The following TNS3 variants were observed in gnomAD, a reference collection of about 807,000 sequenced individuals.
TNS3 encodes tensin-3.
TNS3 carries 45 observed loss-of-function variants against 140.9 expected under a neutral mutation model. The observed-to-expected ratio is 0.32, with a 90% CI of 0.25 to 0.41. The LOEUF is 0.41. Among genes scored for constraint, TNS3 ranks in the 10% least tolerant of loss-of-function variants. The pLI, the probability that TNS3 is intolerant of heterozygous loss-of-function variation, is 1.00. For missense variants in TNS3, 1,716 were observed against 1,906.7 expected (o/e 0.90, Z 1.86); for synonymous variants, 815 against 788.4 (o/e 1.03, Z -0.56).
chr7:47,530,823 CAAAA>C (rs781707373), intron 1 of TNS3, among the ~76,000 whole-genome samples: 3 of 45,008 alleles, frequency 6.7e-5, no homozygotes, highest in Non-Finnish European at 1.2e-4. Flanking sequence ...AACTCCATCT[CAAAA>C]AAAAAAAAAA....
chr7:47,497,631 G>C (rs1418612637), intron 3 of TNS3, among the ~76,000 whole-genome samples: 1 of 148,258 alleles, frequency 6.7e-6, no homozygotes, highest in East Asian at 2.1e-4. Context: ...GAGAAAATAA[G>C]TATTCGCCTA....
chr7:47,438,303 A>T (rs1795291252), intron 6 of TNS3, among the ~76,000 whole-genome samples: 1 of 152,122 alleles, frequency 6.6e-6, no homozygotes. Flanking sequence ...AAGGCCCCAC[A>T]GACAGGTGCT....
chr7:47,487,655 C>A (rs1404260617), intron 3 of TNS3, among the ~76,000 whole-genome samples: 1 of 152,180 alleles, frequency 6.6e-6, no homozygotes, highest in Non-Finnish European at 1.5e-5. Context: ...GGGCCAGCCA[C>A]TGACCTTGCC....
chr7:47,581,691 G>C (rs1035777686), intron 1 of TNS3: 13 of 152,022 alleles, frequency 8.6e-5, no homozygotes, highest in African/African-American at 2.9e-4. Context: ...CCGGACTCCG[G>C]CGAAGCTGGC....
rs936586662 is a variant in TNS3 at position 47,371,908 on chromosome 7, A to G, written c.1025-2287T>C. On this transcript the variant is annotated intron_variant, in intron 16 of 30. Coordinates refer to ENST00000311160, the MANE Select transcript of TNS3 (RefSeq NM_022748.12). ...CACCTTGACCTTCAGCTTCCCCGCT[A>G]TAAAATGAGGGTGTGGGTAGATGGT... Among the ~76,000 whole-genome samples the G allele has an allele frequency of 2.0e-5, 3 of 152,206 alleles. No homozygotes were observed. In the East Asian group the frequency reaches 5.8e-4, roughly 29 times the overall value.
chr7:47,534,141 G>A (rs766590032), intron 1 of TNS3, among the ~76,000 whole-genome samples: 4 of 152,010 alleles, frequency 2.6e-5, no homozygotes, highest in Admixed American at 6.6e-5. Flanking sequence ...GGGCGTGGTG[G>A]CGGGCACCCG....
chr7:47,528,900 G>A (rs1038656788), intron 2 of TNS3, 136 bp downstream of exon 2: 8 of 399,810 alleles, frequency 2.0e-5, no homozygotes, highest in African/African-American at 1.7e-4. Flanking sequence ...GGGGGTAGGG[G>A]GTTGGGGGAC....
intron 17 of TNS3, among the ~76,000 whole-genome samples, chr7:47,348,896 A>G (rs575983931): frequency 1.3e-5 from 2 of 152,350 alleles, no homozygotes; most frequent in East Asian, 3.9e-4. Flanking sequence ...TCCGAAAAGG[A>G]ATTTCCAGGA....
At chr7:47,280,836 C>A (rs1483455794) in intron 28 of TNS3, among the ~76,000 whole-genome samples, 2 of 152,054 alleles carry the variant, frequency 1.3e-5, no homozygotes, top group African/African-American at 4.8e-5. Context: ...TTGCTTGAAC[C>A]TGGGAGGCAG....
rs1241206697 is a variant in TNS3, at chr7:47,277,235, C to T, written c.*841G>A. 1 of 152,246 alleles carries T rather than the reference C, an allele frequency of 6.6e-6. No homozygotes were observed. The highest frequency in any genetic ancestry group is 2.4e-5 in the African/African-American group (1 of 41,456). 9.4% of individuals were successfully genotyped at this position (152,246 alleles called of 1,614,324 possible). Reference sequence around the variant, plus strand: ...CAGGCTGCAGCATTTGACACTGGTACAGTATAGCAATGGCAAATTATCATA... The same window carrying T: ...CAGGCTGCAGCATTTGACACTGGTATAGTATAGCAATGGCAAATTATCATA... On this transcript the variant is annotated 3_prime_UTR_variant, in exon 31 of 31. Coordinates refer to ENST00000311160, the MANE Select transcript of TNS3 (RefSeq NM_022748.12).
chr7:47,500,703 TA>T (rs894394002), intron 3 of TNS3, among the ~76,000 whole-genome samples: 1 of 152,108 alleles, frequency 6.6e-6, no homozygotes, highest in African/African-American at 2.4e-5. Flanking sequence ...AGGGTACAAA[TA>T]GGGGCAGGAA....
chr7:47,287,712 C>T (rs1240110300), intron 27 of TNS3, among the ~76,000 whole-genome samples: 5 of 152,188 alleles, frequency 3.3e-5, no homozygotes, highest in East Asian at 1.9e-4. Flanking sequence ...GGCTTGGAAT[C>T]GCGGTTAATG....
intron 1 of TNS3, among the ~76,000 whole-genome samples, chr7:47,571,412 G>A (rs1294570923): frequency 6.6e-6 from 1 of 152,268 alleles, no homozygotes; most frequent in Non-Finnish European, 1.5e-5. Context: ...AGGGTAAACA[G>A]GCAGGACAAC....
rs903915389 is a variant in TNS3, at chr7:47,450,624, C to G, written c.-75-8569G>C. 2.6e-5 allele frequency among the ~76,000 whole-genome samples: 4 copies of G among 152,224 alleles called. No homozygotes were observed. In the East Asian group the frequency reaches 7.7e-4, roughly 29 times the overall value. ...GGAGCAGAGGTGACCATCCCTCTTC[C>G]CAGGGGGGCTCTGACCACTGGCAGA... On this transcript the variant is annotated intron_variant, in intron 4 of 30. Coordinates refer to ENST00000311160, the MANE Select transcript of TNS3 (RefSeq NM_022748.12).
At chr7:47,481,464 A>G (rs929213159) in intron 3 of TNS3, among the ~76,000 whole-genome samples, 2 of 152,170 alleles carry the variant, frequency 1.3e-5, no homozygotes, top group Non-Finnish European at 2.9e-5. Context: ...GAAACCTCTG[A>G]GTCGGTCCGT....
rs1797321547 is a variant in TNS3, at chr7:47,479,251, C to A, written c.-76+1852G>T. 1.3e-5 allele frequency among the ~76,000 whole-genome samples: 2 copies of A among 152,236 alleles called. 1 individual carries two copies. Among genetic ancestry groups the A allele is most frequent in the Admixed American group, 1.3e-4 (2 of 15,288 alleles). On this transcript the variant is annotated intron_variant, in intron 4 of 30. Coordinates refer to ENST00000311160, the MANE Select transcript of TNS3 (RefSeq NM_022748.12). ...TCTGGTGCCTCTGATGTCCAGGGCT[C>A]ACCAACAAATCTGATGGCAAGGGAC...
chr7:47,417,550 T>A (rs1454949134), intron 10 of TNS3, among the ~76,000 whole-genome samples: 1 of 152,208 alleles, frequency 6.6e-6, no homozygotes, highest in Non-Finnish European at 1.5e-5. Context: ...AGTCATCACC[T>A]CCCAGGTCAG....
chr7:47,519,330 T>C (rs1215754559), intron 2 of TNS3, among the ~76,000 whole-genome samples: 1 of 150,128 alleles, frequency 6.7e-6, no homozygotes, highest in Non-Finnish European at 1.5e-5. Flanking sequence ...GATCATATTA[T>C]ACAATATTGC....
chr7:47,382,228 TG>T (rs1055605330), intron 16 of TNS3, among the ~76,000 whole-genome samples: 20 of 152,130 alleles, frequency 1.3e-4, no homozygotes, highest in Middle Eastern at 3.2e-3. Flanking sequence ...GGGCTTGATT[TG>T]GGTGGGGTTG....
Sources: allele counts gnomAD v4.1 joint callset (sites outside exome capture counted in the v4.1 genomes callset), GRCh38; gene constraint gnomAD v4.1.1; transcripts MANE v1.5; gene names NCBI Gene and HGNC (gene_info 2026-07-23, HGNC 2026-07-21).